IRAK1BP1: variants seen among roughly 807,000 people sequenced by gnomAD.
IRAK1BP1 encodes interleukin-1 receptor-associated kinase 1-binding protein 1.
In IRAK1BP1, 24 loss-of-function variants were observed where a neutral mutation model predicts 28.0. The ratio of observed to expected loss-of-function variants is 0.86; its 90% CI spans 0.62 to 1.20. IRAK1BP1 has a LOEUF of 1.20. Ranked by LOEUF, IRAK1BP1 falls within the 50% of genes most tolerant of loss-of-function variation. The probability of loss-of-function intolerance (pLI) is 0.00; values close to 1 mark genes in which losing one functional copy is unlikely to be tolerated. For missense variants in IRAK1BP1, 336 were observed against 316.7 expected (o/e 1.06, Z -0.46); for synonymous variants, 131 against 116.3 (o/e 1.13, Z -0.81).
intron 2 of IRAK1BP1, among the ~76,000 whole-genome samples, chr6:78,890,573 C>G (rs1164548682): frequency 2.0e-5 from 3 of 152,112 alleles, no homozygotes; most frequent in African/African-American, 7.2e-5. Context: ...ACAAACTCAT[C>G]AAAGCATATT....
At chr6:78,953,676 A>AT in the IRAK1BP1 span, among the ~76,000 whole-genome samples, 1 of 152,192 alleles carries the variant, frequency 6.6e-6, no homozygotes, top group African/African-American at 2.4e-5. Flanking sequence ...GAAAAAAGTC[A>AT]TTTTCTGATA....
chr6:78,924,104 C>G (rs555402258), intron 4 of IRAK1BP1, among the ~76,000 whole-genome samples: 18 of 152,094 alleles, frequency 1.2e-4, no homozygotes, highest in African/African-American at 4.3e-4. Context: ...CACAAAAAAC[C>G]CTTCAAAAAA....
intron 4 of IRAK1BP1, among the ~76,000 whole-genome samples, chr6:78,918,671 A>G (rs576610967): frequency 6.6e-6 from 1 of 151,870 alleles, no homozygotes; most frequent in South Asian, 2.1e-4. Context: ...CTAAATATGT[A>G]TGCACCCAAC....
chr6:78,970,269 C>T, the IRAK1BP1 span: 2 of 1,034,440 alleles, frequency 1.9e-6, no homozygotes. Flanking sequence ...TGGTTTAAAT[C>T]TTGATCTGGA....
chr6:78,945,054 A>G (rs1188355653), intron 4 of IRAK1BP1, among the ~76,000 whole-genome samples: 1 of 151,676 alleles, frequency 6.6e-6, no homozygotes, highest in African/African-American at 2.4e-5. Context: ...ACTATACCCT[A>G]TTTAATTTAA....
chr6:78,927,138 T>C (rs1463298049), intron 4 of IRAK1BP1, among the ~76,000 whole-genome samples: 1 of 152,164 alleles, frequency 6.6e-6, no homozygotes, highest in Non-Finnish European at 1.5e-5. Flanking sequence ...TTCTCCATAG[T>C]GGTTATACTA....
intron 4 of IRAK1BP1, among the ~76,000 whole-genome samples, chr6:78,927,042 C>CT (rs753835538): frequency 7.3e-4 from 111 of 151,778 alleles, no homozygotes; most frequent in Non-Finnish European, 1.1e-3. Flanking sequence ...TACTGATTTC[C>CT]TTTTTTTTTT....
rs374734329 is a variant in IRAK1BP1 at position 78,910,669 on chromosome 6, CG to C, written c.*67+7561del. Among the ~76,000 whole-genome samples the C allele has an allele frequency of 6.3e-3, 965 of 152,334 alleles. 19 individuals are homozygous for C. The highest frequency in any genetic ancestry group is 0.022 in the African/African-American group (909 of 41,582). On this transcript the variant is annotated intron_variant and NMD_transcript_variant, in intron 4 of 4. Transcript: ENST00000606868. ...GGCGGAGCCTTTCCTGGAGTGGCGGCGGATGACCCGGGCTCCCGCTCCTCAC... is the reference window on the plus strand; with the variant it reads ...GGCGGAGCCTTTCCTGGAGTGGCGGCGATGACCCGGGCTCCCGCTCCTCAC...
At chr6:78,939,035 AT>A (rs1210326726) in intron 4 of IRAK1BP1, 2 of 151,722 alleles carry the variant, frequency 1.3e-5, no homozygotes, top group East Asian at 3.8e-4. Flanking sequence ...TTTTGATTAC[AT>A]TTTTGTACCA....
At chr6:78,946,605 A>G, downstream of IRAK1BP1, 1 of 1,435,208 alleles carries the variant, frequency 7.0e-7, no homozygotes, top group African/African-American at 1.5e-5. Flanking sequence ...TCAAATTATC[A>G]TTCTGCAATA....
the IRAK1BP1 span, chr6:78,978,568 G>C: frequency 8.4e-6 from 13 of 1,544,594 alleles, no homozygotes; most frequent in Non-Finnish European, 9.7e-6. Context: ...AGGAAAAATG[G>C]ATAATTTAAA....
rs182142550 is a variant in IRAK1BP1 at position 78,922,316 on chromosome 6, G to C, written c.*67+19206G>C. 1.3e-3 allele frequency among the ~76,000 whole-genome samples: 191 copies of C among 152,292 alleles called. 1 individual carries two copies. Among genetic ancestry groups the C allele is most frequent in the African/African-American group, 4.3e-3 (178 of 41,550 alleles). Reference sequence around the variant, plus strand: ...AGCTGATTCGATGAACTGGAAGAAAGGGTATCAGTAATGGAAGATCAAATG... The same window carrying C: ...AGCTGATTCGATGAACTGGAAGAAACGGTATCAGTAATGGAAGATCAAATG... On this transcript the variant is annotated intron_variant and NMD_transcript_variant, in intron 4 of 4. Transcript: ENST00000606868.
intron 4 of IRAK1BP1, among the ~76,000 whole-genome samples, chr6:78,923,741 A>C (rs1224134536): frequency 1.3e-5 from 2 of 152,208 alleles, no homozygotes; most frequent in Admixed American, 1.3e-4. Flanking sequence ...GTGCAATCAA[A>C]CTAGAACTCA....
downstream of IRAK1BP1, among the ~76,000 whole-genome samples, chr6:78,907,930 G>A (rs1387785871): frequency 6.6e-6 from 1 of 151,800 alleles, no homozygotes; most frequent in Non-Finnish European, 1.5e-5. Flanking sequence ...ATATTGGCCA[G>A]GCTGGTCTCA....
intron 1 of IRAK1BP1, 34 bp from the exon 2 acceptor site, chr6:78,885,344 T>C: frequency 8.4e-6 from 10 of 1,192,476 alleles, no homozygotes; most frequent in Non-Finnish European, 1.2e-5. Flanking sequence ...ATCAAATATT[T>C]AGTAATCATA....
chr6:78,964,395 T>G, the IRAK1BP1 span, among the ~76,000 whole-genome samples: 1 of 152,176 alleles, frequency 6.6e-6, no homozygotes, highest in South Asian at 2.1e-4. Context: ...ACTGAGCAAC[T>G]CAATTAATAA....
intron 1 of IRAK1BP1, among the ~76,000 whole-genome samples, chr6:78,880,314 C>A (rs553441242): frequency 6.6e-6 from 1 of 152,252 alleles, no homozygotes; most frequent in Admixed American, 6.5e-5. Context: ...TCAAAATTCT[C>A]CAAAGAGCAT....
chr6:78,962,709 GTGTATATTAAGT>G, the IRAK1BP1 span, among the ~76,000 whole-genome samples: 1 of 152,102 alleles, frequency 6.6e-6, no homozygotes. Flanking sequence ...TCTTTTGTGT[GTGTATATTAAGT>G]TGGGGGAGAC....
At chr6:78,938,906 G>T (rs1275859749) in intron 4 of IRAK1BP1, 2 of 151,478 alleles carry the variant, frequency 1.3e-5, no homozygotes, top group African/African-American at 2.4e-5. Flanking sequence ...ATCCTTATCA[G>T]AAATAATTAT....
Sources: allele counts gnomAD v4.1 joint callset (sites outside exome capture counted in the v4.1 genomes callset), GRCh38; gene constraint gnomAD v4.1.1; transcripts MANE v1.5; gene names NCBI Gene and HGNC (gene_info 2026-07-23, HGNC 2026-07-21).